EPB41L3: variants seen among roughly 807,000 people sequenced by gnomAD.
EPB41L3 encodes the protein erythrocyte membrane protein band 4.1 like 3.
In EPB41L3, 57 loss-of-function variants were observed where a neutral mutation model predicts 127.1. The observed-to-expected ratio is 0.45, with a 90% CI of 0.36 to 0.56. The LOEUF is 0.56. EPB41L3 is among the 20% of genes least tolerant of loss of function. The probability of loss-of-function intolerance (pLI) is 0.00; values close to 1 mark genes in which losing one functional copy is unlikely to be tolerated. For missense variants in EPB41L3, 1,273 were observed against 1,372.2 expected (o/e 0.93, Z 1.14); for synonymous variants, 572 against 549.5 (o/e 1.04, Z -0.57).
chr18:5,517,347 T>G lies in EPB41L3; in HGVS notation c.-12+26566A>C, dbSNP rs187488552. ...ACAGAAGAAACAATGTCAAGTTTTCTGGGTATCTCCCCAGAAATGTTCTAA... is the reference window on the plus strand; with the variant it reads ...ACAGAAGAAACAATGTCAAGTTTTCGGGGTATCTCCCCAGAAATGTTCTAA... On this transcript the variant is annotated intron_variant, in intron 1 of 22. Coordinates refer to ENST00000341928, the MANE Select transcript of EPB41L3 (RefSeq NM_012307.5). 3.9e-3 allele frequency among the ~76,000 whole-genome samples: 591 copies of G among 152,268 alleles called. 7 individuals carry two copies. The highest frequency in any genetic ancestry group is 0.025 in the Admixed American group (383 of 15,304).
At chr18:5,393,689 T>A (rs1446400100) in intron 22 of EPB41L3, 1 of 449,948 alleles carries the variant, frequency 2.2e-6, no homozygotes, top group Non-Finnish European at 3.9e-6. Flanking sequence ...AGAAATCTGT[T>A]TTATTTTTTT....
At chr18:5,598,173 G>A (rs920683953) in intron 3 of EPB41L3, among the ~76,000 whole-genome samples, 15 of 152,216 alleles carry the variant, frequency 9.9e-5, no homozygotes, top group Non-Finnish European at 1.8e-4. Flanking sequence ...AGAATTGCCC[G>A]AAAAGACTAA....
At chr18:5,575,559 C>T (rs574294692) in intron 3 of EPB41L3, among the ~76,000 whole-genome samples, 5 of 151,988 alleles carry the variant, frequency 3.3e-5, no homozygotes, top group East Asian at 1.9e-4. Context: ...CTAGTTGGCC[C>T]GGTGCTGTGG....
intron 3 of EPB41L3, among the ~76,000 whole-genome samples, chr18:5,596,381 C>G (rs1235007882): frequency 6.6e-6 from 1 of 152,162 alleles, no homozygotes; most frequent in East Asian, 1.9e-4. Context: ...AACCTTATTT[C>G]CTATATTACA....
intron 3 of EPB41L3, among the ~76,000 whole-genome samples, chr18:5,477,744 C>T (rs1350113099): frequency 1.3e-5 from 2 of 152,062 alleles, no homozygotes; most frequent in African/African-American, 2.4e-5. Flanking sequence ...CCTTTTACAC[C>T]GAAACTACAA....
intron 7 of EPB41L3, 76 bp downstream of exon 7, chr18:5,433,827 C>A (rs796996091): frequency 7.4e-6 from 11 of 1,486,562 alleles, no homozygotes; most frequent in East Asian, 4.5e-5. Flanking sequence ...GAAATCAGTA[C>A]TGGGAAGAGG....
intron 3 of EPB41L3, among the ~76,000 whole-genome samples, chr18:5,465,579 A>G (rs1342604203): frequency 6.6e-6 from 1 of 152,166 alleles, no homozygotes; most frequent in Non-Finnish European, 1.5e-5. Flanking sequence ...ATGGGGTGGA[A>G]ATTCCATAAC....
intron 12 of EPB41L3, among the ~76,000 whole-genome samples, chr18:5,419,379 A>G (rs1390511417): frequency 2.0e-5 from 3 of 152,246 alleles, no homozygotes; most frequent in Non-Finnish European, 4.4e-5. Context: ...CAAAGAAAAC[A>G]GCTTTAGTGA....
intron 1 of EPB41L3, among the ~76,000 whole-genome samples, chr18:5,628,215 T>A (rs573846756): frequency 6.6e-6 from 1 of 152,252 alleles, no homozygotes; most frequent in Non-Finnish European, 1.5e-5. Flanking sequence ...GACCCTGCTC[T>A]ACCGGGTTAG....
At chr18:5,554,404 A>AT (rs2094005674) in intron 3 of EPB41L3, among the ~76,000 whole-genome samples, 1 of 152,248 alleles carries the variant, frequency 6.6e-6, no homozygotes, top group Admixed American at 6.5e-5. Flanking sequence ...ATACAAGTAT[A>AT]AAATTGAAGA....
chr18:5,428,254 G>C lies in EPB41L3; in HGVS notation c.1065+59C>G, dbSNP rs1377804423. On this transcript the variant is annotated intron_variant, in intron 9 of 22. Transcript: ENST00000341928. The stretch of plus-strand genomic sequence containing the variant: ...GAACTCATAAGCAGATAATTTAAAT[G>C]CTTGCTTGCTATCAGGGATCTTTCC... The C allele has an allele frequency of 6.9e-6, 11 of 1,590,288 alleles. No individual in the cohort carries two copies. In the East Asian group the frequency reaches 9.0e-5, roughly 13 times the overall value.
At chr18:5,519,013 C>T (rs2092874188) in intron 1 of EPB41L3, among the ~76,000 whole-genome samples, 1 of 152,176 alleles carries the variant, frequency 6.6e-6, no homozygotes. Flanking sequence ...AAGACGTCAT[C>T]TCAGATCGTG....
chr18:5,564,227 T>C (rs2094169778), intron 3 of EPB41L3, among the ~76,000 whole-genome samples: 1 of 152,172 alleles, frequency 6.6e-6, no homozygotes, highest in Non-Finnish European at 1.5e-5. Context: ...TAAATGACTA[T>C]AGATACTACT....
At chr18:5,431,338 G>C (rs1293487232) in intron 8 of EPB41L3, 1 of 152,218 alleles carries the variant, frequency 6.6e-6, no homozygotes, top group Non-Finnish European at 1.5e-5. Context: ...CCGGAGATTA[G>C]TTCCAATTTG....
At chr18:5,407,557 A>T in intron 15 of EPB41L3, 144 bp downstream of exon 15, 1 of 769,540 alleles carries the variant, frequency 1.3e-6, no homozygotes, top group Non-Finnish European at 2.1e-6. Flanking sequence ...TCAAGGGAAC[A>T]AATGCCAACC....
upstream of EPB41L3, chr18:5,630,500 C>T (rs764644555): frequency 5.8e-6 from 3 of 518,594 alleles, no homozygotes; most frequent in South Asian, 1.4e-5. Flanking sequence ...TCACAGGTCC[C>T]TCCGCAGGGG....
chr18:5,498,319 C>T (rs958387278), intron 1 of EPB41L3, among the ~76,000 whole-genome samples: 5 of 152,110 alleles, frequency 3.3e-5, no homozygotes, highest in Non-Finnish European at 7.4e-5. Flanking sequence ...GACGGCTGGG[C>T]GCCGTGGCTC....
chr18:5,483,633 C>T (rs1427888047), intron 2 of EPB41L3, among the ~76,000 whole-genome samples: 1 of 151,372 alleles, frequency 6.6e-6, no homozygotes, highest in African/African-American at 2.4e-5. Flanking sequence ...GAAAAAAAAA[C>T]CATTCTATAC....
chr18:5,466,135 C>T (rs527406793), intron 3 of EPB41L3, among the ~76,000 whole-genome samples: 99 of 152,254 alleles, frequency 6.5e-4, no homozygotes, highest in African/African-American at 2.3e-3. Context: ...ACAACAATGC[C>T]AGATTTTCCC....
Sources: allele counts gnomAD v4.1 joint callset (sites outside exome capture counted in the v4.1 genomes callset), GRCh38; gene constraint gnomAD v4.1.1; transcripts MANE v1.5; gene names NCBI Gene and HGNC (gene_info 2026-07-23, HGNC 2026-07-21).